The following ZFHX3 variants were observed in gnomAD, a reference collection of about 807,000 sequenced individuals.
The protein encoded by ZFHX3 is zinc finger homeobox 3.
In ZFHX3, 42 loss-of-function variants were observed where a neutral mutation model predicts 279.1. The ratio of observed to expected loss-of-function variants is 0.15; its 90% CI spans 0.12 to 0.19. The LOEUF (loss-of-function observed/expected upper bound fraction) is 0.19, where lower values mean the gene tolerates loss of function less well. Ranked by LOEUF, ZFHX3 falls within the 10% of genes least tolerant of loss-of-function variation. The probability of loss-of-function intolerance (pLI) is 1.00; values close to 1 mark genes in which losing one functional copy is unlikely to be tolerated. For synonymous variants in ZFHX3, 2,293 were observed against 1,957.8 expected (o/e 1.17, Z -4.52); for missense variants, 4,981 against 4,754.0 (o/e 1.05, Z -1.40).
intron 4 of ZFHX3, among the ~76,000 whole-genome samples, chr16:72,871,666 G>A (rs1035329851): frequency 4.0e-5 from 6 of 150,626 alleles, no homozygotes; most frequent in African/African-American, 9.8e-5. Context: ...TAGTAGAGAC[G>A]GGGTTTCACC....
intron 1 of ZFHX3, among the ~76,000 whole-genome samples, chr16:73,709,346 CAGAGAGAGAGAG>C (rs59857152): frequency 2.8e-5 from 4 of 145,280 alleles, no homozygotes; most frequent in South Asian, 2.2e-4. Context: ...GGCTGTGTGA[CAGAGAGAGAGAG>C]AGAGAGAGAG....
chr16:73,412,359 A>G (rs1263466997), intron 3 of ZFHX3, among the ~76,000 whole-genome samples: 10 of 150,896 alleles, frequency 6.6e-5, no homozygotes, highest in Non-Finnish European at 1.5e-5. Context: ...AGTAAATGTC[A>G]GAGAATGTGT....
intron 2 of ZFHX3, among the ~76,000 whole-genome samples, chr16:73,630,156 T>C (rs957885267): frequency 2.6e-5 from 4 of 152,170 alleles, no homozygotes; most frequent in Admixed American, 2.6e-4. Flanking sequence ...AGGTAGACAC[T>C]TTGGAAAACG....
intron 1 of ZFHX3, among the ~76,000 whole-genome samples, chr16:73,830,162 G>A (rs1447663718): frequency 4.5e-5 from 6 of 132,272 alleles, no homozygotes; most frequent in Non-Finnish European, 9.7e-5. Flanking sequence ...GGAGTGACCC[G>A]ATTTTCCAGG....
intron 8 of ZFHX3, among the ~76,000 whole-genome samples, chr16:73,076,865 A>ATG (rs1414739661): frequency 4.6e-5 from 7 of 151,122 alleles, no homozygotes; most frequent in Admixed American, 6.6e-5. Flanking sequence ...TTTATAAAAT[A>ATG]TGTGTGTGTG....
rs11347779 is a variant in ZFHX3, at chr16:73,473,339, C to CAAA, written c.-1546-17084_-1546-17082dup. ...GAGACAGAGCGAGACTGTCTCAAAGCAAAAAAAAAAAAAAAAAACAAAAAA... is the reference window on the plus strand; with the variant it reads ...GAGACAGAGCGAGACTGTCTCAAAGCAAAAAAAAAAAAAAAAAAAAACAAAAAA... On this transcript the variant is annotated intron_variant, in intron 2 of 17. Coordinates refer to the ZFHX3 transcript ENST00000641206. Among the ~76,000 whole-genome samples, 127 of 76,648 alleles carry CAAA rather than the reference C, an allele frequency of 1.7e-3. 1 individual carries two copies. The highest frequency in any genetic ancestry group is 6.1e-3 in the African/African-American group (104 of 17,040). 50.3% of individuals were successfully genotyped at this position (76,648 alleles called of 152,430 possible). A position where few individuals can be genotyped will look rare whatever the true frequency, so the allele number is the denominator to read the frequency against.
intron 2 of ZFHX3, among the ~76,000 whole-genome samples, chr16:73,467,215 G>C (rs1238802514): frequency 6.6e-6 from 1 of 152,234 alleles, no homozygotes; most frequent in Non-Finnish European, 1.5e-5. Flanking sequence ...CGGAAACGTA[G>C]AGAACAGCCT....
chr16:73,883,451 T>G (rs2030242586), intron 1 of ZFHX3, among the ~76,000 whole-genome samples: 1 of 151,800 alleles, frequency 6.6e-6, no homozygotes, highest in Non-Finnish European at 1.5e-5. Flanking sequence ...ATTTATAATG[T>G]GGACATGATA....
At chr16:73,665,923 C>T (rs1477002238) in intron 2 of ZFHX3, among the ~76,000 whole-genome samples, 2 of 148,132 alleles carry the variant, frequency 1.4e-5, no homozygotes, top group Non-Finnish European at 3.0e-5. Context: ...TCATGCCATT[C>T]TTCTGCCTCA....
At chr16:73,178,715 T>C (rs1967721529) in intron 5 of ZFHX3, among the ~76,000 whole-genome samples, 1 of 152,194 alleles carries the variant, frequency 6.6e-6, no homozygotes, top group South Asian at 2.1e-4. Context: ...TTCAAACTTC[T>C]GTCCTGAAGC....
At chr16:73,688,417 G>T (rs1423729170) in intron 1 of ZFHX3, among the ~76,000 whole-genome samples, 1 of 151,718 alleles carries the variant, frequency 6.6e-6, no homozygotes, top group Non-Finnish European at 1.5e-5. Flanking sequence ...ATTAAGAGGT[G>T]GAGCCATTGA....
intron 1 of ZFHX3, among the ~76,000 whole-genome samples, chr16:73,042,438 A>G (rs1965152829): frequency 2.0e-5 from 3 of 152,196 alleles, no homozygotes; most frequent in African/African-American, 7.2e-5. Flanking sequence ...ACACTCCTGG[A>G]TGGAGTCAGG....
At chr16:72,827,615 T>G (rs1212995865) in intron 5 of ZFHX3, among the ~76,000 whole-genome samples, 2 of 152,216 alleles carry the variant, frequency 1.3e-5, no homozygotes, top group Non-Finnish European at 2.9e-5. Flanking sequence ...GAACCATTTG[T>G]TTAGCTCTCA....
intron 4 of ZFHX3, among the ~76,000 whole-genome samples, chr16:72,850,999 G>T (rs180773607): frequency 6.6e-6 from 1 of 152,226 alleles, no homozygotes; most frequent in African/African-American, 2.4e-5. Flanking sequence ...CTGAGGCTGC[G>T]GTGCAGGGAC....
chr16:72,819,891 T>A (rs979456210), intron 5 of ZFHX3, among the ~76,000 whole-genome samples: 6 of 152,364 alleles, frequency 3.9e-5, no homozygotes, highest in South Asian at 2.1e-4. Flanking sequence ...CTTCCTTGTT[T>A]ACAGAAATCT....
At position 72,905,100 on chromosome 16, in the gene ZFHX3, A is replaced by C. The variant is rs576362517; in HGVS notation, c.3217-15138T>G. Among the ~76,000 whole-genome samples, 484 of 152,214 alleles carry C rather than the reference A, an allele frequency of 3.2e-3. 3 individuals carry two copies. The highest frequency in any genetic ancestry group is 0.011 in the African/African-American group (451 of 41,542). ...AGTGATCCGCCCACCAAGGCCTCCC[A>C]AAGTGCTGGGATTACAGGCATGAGC... On this transcript the variant is annotated intron_variant, in intron 3 of 9. Coordinates refer to ENST00000268489, the MANE Select transcript of ZFHX3 (RefSeq NM_006885.4).
At chr16:73,694,425 C>T (rs1204997826) in intron 1 of ZFHX3, among the ~76,000 whole-genome samples, 3 of 152,072 alleles carry the variant, frequency 2.0e-5, no homozygotes, top group Non-Finnish European at 2.9e-5. Flanking sequence ...CTTACTACAA[C>T]GTCCACCTCC....
intron 1 of ZFHX3, among the ~76,000 whole-genome samples, chr16:72,996,107 A>AACACACACAC (rs10550323): frequency 1.4e-5 from 2 of 146,984 alleles, no homozygotes; most frequent in Non-Finnish European, 3.0e-5. Context: ...GTCTCTACTA[A>AACACACACAC]ACACACACAC....
chr16:73,001,823 A>T (rs1433329135), intron 1 of ZFHX3, among the ~76,000 whole-genome samples: 2 of 152,000 alleles, frequency 1.3e-5, no homozygotes, highest in Admixed American at 6.6e-5. Context: ...CCCTTCAAAA[A>T]AAAAAGGGGG....
Sources: allele counts gnomAD v4.1 joint callset (sites outside exome capture counted in the v4.1 genomes callset), GRCh38; gene constraint gnomAD v4.1.1; transcripts MANE v1.5; gene names NCBI Gene and HGNC (gene_info 2026-07-23, HGNC 2026-07-21).